The following SYTL2 variants were observed in gnomAD, a reference collection of about 807,000 sequenced individuals.
The protein encoded by SYTL2 is synaptotagmin like 2.
A neutral mutation model predicts 198.7 loss-of-function variants in SYTL2; 165 were observed. The observed-to-expected ratio is 0.83, with a 90% CI of 0.73 to 0.94. SYTL2 has a LOEUF of 0.94. Ranked by LOEUF, SYTL2 falls within the 40% of genes least tolerant of loss-of-function variation. The pLI, the probability that SYTL2 is intolerant of heterozygous loss-of-function variation, is 0.00. For missense variants in SYTL2, 2,835 were observed against 2,582.8 expected (o/e 1.10, Z -2.12); for synonymous variants, 966 against 917.7 (o/e 1.05, Z -0.95).
chr11:85,752,015 G>C (rs1430282059), intron 2 of SYTL2, among the ~76,000 whole-genome samples: 4 of 152,164 alleles, frequency 2.6e-5, no homozygotes, highest in Non-Finnish European at 5.9e-5. Context: ...GAGCAGAAAT[G>C]CCCTCTGGGC....
the SYTL2 span, among the ~76,000 whole-genome samples, chr11:85,830,635 C>G: frequency 6.6e-6 from 1 of 152,124 alleles, no homozygotes; most frequent in Non-Finnish European, 1.5e-5. Context: ...ACAGATGCCC[C>G]TAATTCTCAG....
chr11:85,836,551 T>G, the SYTL2 span, among the ~76,000 whole-genome samples: 257 of 152,176 alleles, frequency 1.7e-3, 2 homozygotes, highest in African/African-American at 6.0e-3. Context: ...CTTCTACCAT[T>G]TCTCCCAAAG....
At chr11:85,732,413 C>A (rs940452483) in intron 7 of SYTL2, among the ~76,000 whole-genome samples, 17 of 151,934 alleles carry the variant, frequency 1.1e-4, no homozygotes, top group African/African-American at 3.9e-4. Flanking sequence ...TATGCCACCA[C>A]AAAAAAGGAT....
At chr11:85,706,864 C>T (rs905394089) in intron 15 of SYTL2, among the ~76,000 whole-genome samples, 2 of 67,720 alleles carry the variant, frequency 3.0e-5, no homozygotes, top group Non-Finnish European at 5.6e-5. Context: ...TTTTTTGAGA[C>T]AGAGTTTCAC....
chr11:85,778,802 C>T (rs753324165), intron 1 of SYTL2, among the ~76,000 whole-genome samples: 8 of 152,080 alleles, frequency 5.3e-5, no homozygotes, highest in Non-Finnish European at 8.8e-5. Context: ...CGTGGCAAAA[C>T]CCTATCTCTA....
chr11:85,852,992 G>A, the SYTL2 span: 72 of 321,238 alleles, frequency 2.2e-4, no homozygotes, highest in East Asian at 2.9e-3. Flanking sequence ...CAGCCGCCCC[G>A]TCTGAGAAGT....
At chr11:85,852,317 T>C in the SYTL2 span, among the ~76,000 whole-genome samples, 1 of 152,292 alleles carries the variant, frequency 6.6e-6, no homozygotes, top group East Asian at 1.9e-4. Context: ...TACCAGGACA[T>C]AGACGCTCCT....
chr11:85,714,477 G>A lies in SYTL2; in HGVS notation c.5561C>T (p.Pro1854Leu), dbSNP rs1388336837. The A allele has an allele frequency of 1.4e-5, 22 of 1,613,488 alleles. No homozygotes were observed. Among genetic ancestry groups the A allele is most frequent in the Non-Finnish European group, 1.8e-5 (21 of 1,179,636 alleles). ...TTTGAGTTTGTCAGGGTGAGAAAAT[G>A]GATTATCAGGTTGTGTAGGCACTGT... The part of the protein sequence containing the change: ...ISTVPTQPDN[P>L]FSHPDKLKRM... The change falls in exon 12 of 20, where the codon CCA becomes CTA. Residue 1854 changes from proline to leucine, a missense_variant. Physicochemically the swap from Pro to Leu is moderately conservative, Grantham distance 98 (BLOSUM62 -3). Around this residue, in one of 3 missense-constraint regions of SYTL2, gnomAD observed 2,645 missense variants for 2,381.7 expected, o/e 1.11. Transcript: ENST00000359152.
In SYTL2 at chr11:85,709,329, A is replaced by G; in HGVS notation, c.5915+2T>C. 1 of 1,614,000 alleles carries G rather than the reference A, an allele frequency of 6.2e-7. No individual in the cohort carries two copies. Among genetic ancestry groups the G allele is most frequent in the Non-Finnish European group, 8.5e-7 (1 of 1,179,928 alleles). ...AGGTAGGTGACTCTAAAATGTACTTACGGGTCTGAACGCTGTTTTTTTACA... is the reference window on the plus strand; with the variant it reads ...AGGTAGGTGACTCTAAAATGTACTTGCGGGTCTGAACGCTGTTTTTTTACA... On this transcript the variant is annotated splice_donor_variant, in intron 14 of 19. Coordinates refer to ENST00000359152, the MANE Select transcript of SYTL2 (RefSeq NM_206927.4). LOFTEE classifies it high-confidence loss of function.
At position 85,727,823 on chromosome 11, in the gene SYTL2, T is replaced by G; in HGVS notation, c.1535A>C (p.Lys512Thr). 1 of 1,610,168 alleles carries G rather than the reference T, an allele frequency of 6.2e-7. No individual in the cohort carries two copies. The highest frequency in any genetic ancestry group is 8.5e-7 in the Non-Finnish European group (1 of 1,178,422). Residue 512 changes from lysine to threonine, a missense_variant, in exon 8 of 20, where the codon AAG becomes ACG. This residue lies in a region of SYTL2 where 2,645 missense variants were observed against 2,381.7 expected (regional missense o/e 1.11). Coordinates refer to ENST00000359152, the MANE Select transcript of SYTL2 (RefSeq NM_206927.4). The stretch of plus-strand genomic sequence containing the variant: ...AAATATGGAATCATCAGTTGACTTC[T>G]TTATCTCAGTGGCATATGGACCAGA... ...SRSGPYATEI[K>T]KSTDDSIFKV...
rs1377700765 is a variant in SYTL2 at position 85,757,687 on chromosome 11, C to T, written c.39G>A (p.Glu13=). The part of the protein sequence containing the change: ...DLSFLTEEEQ[E]AIMKVLQRDA... ...CCCGCTGCAAAACCTTCATGATGGC[C>T]TCTTGTTCCTCTTCAGTCAGGAAGC... The change falls in exon 2 of 20, where the codon GAG becomes GAA. Residue 13 remains glutamate (E), a synonymous_variant. Transcript: ENST00000359152. 4 of 1,613,584 alleles carry T rather than the reference C, an allele frequency of 2.5e-6. No individual in the cohort carries two copies. Among genetic ancestry groups the T allele is most frequent in the South Asian group, 1.1e-5 (1 of 91,084 alleles).
chr11:85,833,016 AAAGAAAGAAAGAAAG>A, the SYTL2 span, among the ~76,000 whole-genome samples: 127 of 21,142 alleles, frequency 6.0e-3, 8 homozygotes, highest in African/African-American at 0.014. Flanking sequence ...GAAAGAAAAG[AAAGAAAGAAAGAAAG>A]AAAGAAAGAA....
At position 85,794,518 on chromosome 11, in the gene SYTL2, C is replaced by G. The variant is rs60422843; in HGVS notation, c.-390+16436G>C. ...AAGGACAACAGAACAAATAACAAAA[C>G]CTCCCACTTTCTCAAGGTCACAAAA... On this transcript the variant is annotated intron_variant, in intron 1 of 19. Transcript: ENST00000359152. 8.1e-3 allele frequency among the ~76,000 whole-genome samples: 1,232 copies of G among 152,220 alleles called. 17 individuals are homozygous for G. Among genetic ancestry groups the G allele is most frequent in the African/African-American group, 0.028 (1,153 of 41,536 alleles).
intron 1 of SYTL2, among the ~76,000 whole-genome samples, chr11:85,800,923 G>A (rs539130676): frequency 6.6e-6 from 1 of 152,176 alleles, no homozygotes; most frequent in South Asian, 2.1e-4. Flanking sequence ...CTCCCCAGTG[G>A]CTTTCCCCAA....
rs2090129748 is a variant in SYTL2, at chr11:85,734,354, G to T, written c.975C>A (p.Asn325Lys). 6.2e-7 allele frequency: 1 copy of T among 1,614,236 alleles called. No individual in the cohort carries two copies. Residue 325 changes from asparagine to lysine, a missense_variant, in exon 7 of 20, where the codon AAC becomes AAA. Transcript: ENST00000359152. ...TCACATGCTTTAATGGCTCCAGGGA[G>T]TTTGGGGAAGAGTTGTCTTCTAAAG... ...EHSLEDNSSP[N>K]SLEPLKHVRF...
intron 8 of SYTL2, among the ~76,000 whole-genome samples, chr11:85,721,998 AC>A (rs1390840477): frequency 6.6e-6 from 1 of 152,018 alleles, no homozygotes; most frequent in African/African-American, 2.4e-5. Context: ...AAATTACAGT[AC>A]CCTTATAGTA....
chr11:85,817,191 C>T, the SYTL2 span, among the ~76,000 whole-genome samples: 3 of 152,098 alleles, frequency 2.0e-5, no homozygotes, highest in African/African-American at 4.8e-5. Context: ...TATTTGAGTA[C>T]GTCCTACCTG....
chr11:85,817,897 C>CTTTTTTTTTT, the SYTL2 span, among the ~76,000 whole-genome samples: 7 of 119,866 alleles, frequency 5.8e-5, no homozygotes, highest in Non-Finnish European at 8.4e-5. Context: ...ACCTTTGTGT[C>CTTTTTTTTTT]TTTTCTTTTT....
intron 1 of SYTL2, among the ~76,000 whole-genome samples, chr11:85,762,487 A>G (rs199676929): frequency 1.3e-5 from 2 of 152,218 alleles, no homozygotes; most frequent in African/African-American, 4.8e-5. Context: ...TCTCAGGCTT[A>G]AAATCCTTCA....
Sources: allele counts gnomAD v4.1 joint callset (sites outside exome capture counted in the v4.1 genomes callset), GRCh38; gene constraint gnomAD v4.1.1; regional missense constraint gnomAD v4.1.1; transcripts MANE v1.5; gene names NCBI Gene and HGNC (gene_info 2026-07-23, HGNC 2026-07-21).